Variants in PLCB2 observed in about 807,000 individuals in gnomAD.
PLCB2 encodes the protein 1-phosphatidylinositol 4,5-bisphosphate phosphodiesterase beta-2.
Under a neutral mutation model 141.7 loss-of-function variants are expected in PLCB2, and 115 were observed. The observed-to-expected ratio is 0.81, with a 90% CI of 0.70 to 0.95. The LOEUF (loss-of-function observed/expected upper bound fraction) is 0.95. PLCB2 is among the 40% of genes least tolerant of loss of function. The probability of loss-of-function intolerance (pLI) is 0.00; values close to 1 mark genes in which losing one functional copy is unlikely to be tolerated. For missense variants in PLCB2, 1,403 were observed against 1,541.1 expected (o/e 0.91, Z 1.50); for synonymous variants, 603 against 595.6 (o/e 1.01, Z -0.18).
Position 40,291,390 on chromosome 15 carries a change from GCGCCGCTC to G in PLCB2, c.2737_2744del (p.Glu913ArgfsTer59), listed in dbSNP as rs2039911709. 1 of 1,534,116 alleles carries G rather than the reference GCGCCGCTC, an allele frequency of 6.5e-7. No homozygotes were observed. The highest frequency in any genetic ancestry group is 8.7e-7 in the Non-Finnish European group (1 of 1,145,754). On this transcript the variant is annotated frameshift_variant, in exon 26 of 32. Transcript: ENST00000260402. LOFTEE classifies it high-confidence loss of function. ...GCAGCTCCTCCCAGCGCCGCGCTCC[GCGCCGCTC>G]CAACTCTCGCAGCTCCTTCTCGTGC... is the stretch of plus-strand genomic sequence containing the variant.
chr15:40,294,491 T>G, intron 18 of PLCB2, 71 bp from the exon 19 acceptor site: 76 of 1,531,428 alleles, frequency 5.0e-5, no homozygotes, highest in Non-Finnish European at 6.7e-5. Flanking sequence ...TTTCCTCCAT[T>G]CCCAGCCTTT....
chr15:40,304,098 G>C lies in PLCB2; in HGVS notation c.85-20C>G, dbSNP rs1047818577. The C allele has an allele frequency of 1.3e-6, 2 of 1,561,148 alleles. No homozygotes were observed. The highest frequency in any genetic ancestry group is 2.3e-5 in the East Asian group (1 of 43,726). On this transcript the variant is annotated intron_variant, in intron 1 of 31. Coordinates refer to ENST00000260402, the MANE Select transcript of PLCB2 (RefSeq NM_004573.3). Reference sequence around the variant, plus strand: ...AGTTTCCTGCAGAGAGAAGGAGCCAGCACTCTGTTCCAAGACCTCAGGCCA... The same window carrying C: ...AGTTTCCTGCAGAGAGAAGGAGCCACCACTCTGTTCCAAGACCTCAGGCCA...
Position 40,291,647 on chromosome 15 carries a change from GCTGCTGCAAGAGCCACGGGCTGGGCTGT to G in PLCB2, c.2603-25_2605del. The G allele has an allele frequency of 6.2e-7, 1 of 1,613,098 alleles. No individual in the cohort carries two copies. The highest frequency in any genetic ancestry group is 1.1e-5 in the South Asian group (1 of 91,048). ...AGCCTCTTCCCTGGCCCCGGCCCTG[GCTGCTGCAAGAGCCACGGGCTGGGCTGT>G]CAGGTGCTCTGGGGGGCCCCTTGGC... On this transcript the variant is annotated splice_acceptor_variant and splice_polypyrimidine_tract_variant and coding_sequence_variant and intron_variant, in exon 25 of 32. Coordinates refer to ENST00000260402, the MANE Select transcript of PLCB2 (RefSeq NM_004573.3). LOFTEE classifies it high-confidence loss of function.
chr15:40,289,962 A>C, intron 30 of PLCB2, 63 bp downstream of exon 30: 1 of 617,230 alleles, frequency 1.6e-6, no homozygotes. Context: ...AGAGAGAGAG[A>C]GAGAGAGTGT....
chr15:40,286,008 G>C (rs192833348), downstream of PLCB2: 197 of 985,648 alleles, frequency 2.0e-4, no homozygotes, highest in African/African-American at 3.2e-3. Context: ...TGGCAGGAAG[G>C]GGGTGGTGGT....
chr15:40,289,715 C>G (rs754448605), intron 30 of PLCB2: 8 of 516,712 alleles, frequency 1.5e-5, no homozygotes, highest in Non-Finnish European at 2.4e-5. Context: ...CCAGTCCCAG[C>G]CTCCCCTGGC....
At chr15:40,294,502 GC>G in intron 18 of PLCB2, 82 bp from the exon 19 acceptor site, 1 of 1,468,232 alleles carries the variant, frequency 6.8e-7, no homozygotes, top group Non-Finnish European at 9.5e-7. Context: ...CCCAGCCTTT[GC>G]TGTCTGGTGA....
intron 14 of PLCB2, 33 bp downstream of exon 14, chr15:40,296,713 T>A: frequency 6.2e-7 from 1 of 1,610,312 alleles, no homozygotes; most frequent in Non-Finnish European, 8.5e-7. Flanking sequence ...CAGATGCTCC[T>A]AATACCCCCC....
At position 40,298,713 on chromosome 15, in the gene PLCB2, G is replaced by T. The variant is rs773333863; in HGVS notation, c.851-5C>A. On this transcript the variant is annotated splice_polypyrimidine_tract_variant and splice_region_variant and intron_variant, in intron 9 of 31. Coordinates refer to ENST00000260402, the MANE Select transcript of PLCB2 (RefSeq NM_004573.3). ...TGCCTTCAGGTGACAGCTGGCCTGGGGGACAGGAGATAGCTGTCAGGCTAC... is the reference window on the plus strand; with the variant it reads ...TGCCTTCAGGTGACAGCTGGCCTGGTGGACAGGAGATAGCTGTCAGGCTAC... The T allele has an allele frequency of 4.3e-6, 7 of 1,613,810 alleles. No individual in the cohort carries two copies. The Admixed American group carries it at 1.2e-4, about 27-fold the overall frequency.
In PLCB2 at chr15:40,294,924, G is replaced by T; in HGVS notation, c.1906+12C>A. ...CAGGGAAGGATTCTTAGGGGCCTGG[G>T]AATGCCCTCACCCATCGTCTGGAAG... is the stretch of plus-strand genomic sequence containing the variant. On this transcript the variant is annotated intron_variant, in intron 18 of 31. Coordinates refer to ENST00000260402, the MANE Select transcript of PLCB2 (RefSeq NM_004573.3). 6.2e-7 allele frequency: 1 copy of T among 1,614,026 alleles called. No individual in the cohort carries two copies.
At chr15:40,285,733 G>C, downstream of PLCB2, 1 of 985,396 alleles carries the variant, frequency 1.0e-6, no homozygotes, top group Non-Finnish European at 1.2e-6. Flanking sequence ...CTATTTCCAA[G>C]GTCAGAGGAG....
At position 40,291,486 on chromosome 15, in the gene PLCB2, C is replaced by A. The variant is rs749081695; in HGVS notation, c.2649G>T (p.Glu883Asp). Residue 883 changes from glutamate to aspartate, a missense_variant and splice_region_variant, in exon 26 of 32, where the codon GAG (glutamate) becomes GAT (aspartate). By Grantham distance (45) the Glu-to-Asp change is conservative. Around this residue, in one of 4 missense-constraint regions of PLCB2, gnomAD observed 290 missense variants for 245.9 expected, o/e 1.18. Coordinates refer to ENST00000260402, the MANE Select transcript of PLCB2 (RefSeq NM_004573.3). ...AREEAMKEAA[E>D]PRTASLEELR... ...GCTCCTCCAGGCTGGCGGTCCGCGG[C>A]TCTGCGGAGGCCCGGGTGAGGCGCA... is the stretch of plus-strand genomic sequence containing the variant. 4 of 1,583,336 alleles carry A rather than the reference C, an allele frequency of 2.5e-6. No individual in the cohort carries two copies. The highest frequency in any genetic ancestry group is 1.7e-5 in the Admixed American group (1 of 57,766).
At chr15:40,303,939 G>C in intron 2 of PLCB2, 62 bp downstream of exon 2, 3 of 1,178,676 alleles carry the variant, frequency 2.5e-6, no homozygotes, top group Non-Finnish European at 3.7e-6. Context: ...TGCAGCCAGG[G>C]GGCTGTCTGG....
chr15:40,288,342 T>C lies in PLCB2; in HGVS notation c.*373A>G, dbSNP rs1193805939. On this transcript the variant is annotated 3_prime_UTR_variant, in exon 32 of 32. Transcript: ENST00000260402. ...GAGTGGAGGTGAGTGGGTCCAACCC[T>C]CCAGGTGAGGAAACTGAGCCCAGAG... 1 of 1,013,884 alleles carries C rather than the reference T, an allele frequency of 9.9e-7. No homozygotes were observed. Among genetic ancestry groups the C allele is most frequent in the Non-Finnish European group, 1.2e-6 (1 of 848,684 alleles). 62.8% of individuals were successfully genotyped at this position (1,013,884 alleles called of 1,614,324 possible). A position where few individuals can be genotyped will look rare whatever the true frequency, so the allele number is the denominator to read the frequency against.
rs752312361 is a variant in PLCB2, at chr15:40,299,153, C to T, written c.658G>A (p.Glu220Lys). ...TAAGAAGTGAAGATCTCATCTATTT[C>T]TGGCCGAGGACAGAGGCTCATGAGG... is the stretch of plus-strand genomic sequence containing the variant. The part of the protein sequence containing the change: ...SFLMSLCPRP[E>K]IDEIFTSYHA... The change falls in exon 8 of 32, where the codon GAA becomes AAA. Residue 220 changes from glutamate (E) to lysine (K), a missense_variant. Physicochemically the swap from Glu to Lys is moderately conservative, Grantham distance 56 (BLOSUM62 1). Transcript: ENST00000260402. 1.9e-6 allele frequency: 3 copies of T among 1,613,552 alleles called. No individual in the cohort carries two copies. In the South Asian group the frequency reaches 3.3e-5, roughly 18 times the overall value.
intron 2 of PLCB2, among the ~76,000 whole-genome samples, chr15:40,303,662 C>T (rs934341114): frequency 6.6e-6 from 1 of 152,198 alleles, no homozygotes; most frequent in Non-Finnish European, 1.5e-5. Flanking sequence ...TTCCCGTCCT[C>T]CTGCCCAGAG....
At chr15:40,290,195 C>A in intron 29 of PLCB2, 113 bp from the exon 30 acceptor site, 1 of 748,802 alleles carries the variant, frequency 1.3e-6, no homozygotes, top group Non-Finnish European at 2.4e-6. Context: ...GGGCAGGAAC[C>A]AGCTGGGGGC....
intron 21 of PLCB2, 83 bp downstream of exon 21, chr15:40,292,843 C>T (rs2040008302): frequency 2.4e-6 from 2 of 839,158 alleles, no homozygotes; most frequent in African/African-American, 3.4e-5. Context: ...GGCCTCACTC[C>T]AGGCCCCCTC....
Position 40,290,026 on chromosome 15 carries a change from T to C in PLCB2, c.3266A>G (p.Gln1089Arg), listed in dbSNP as rs1170937791. ...AGGAAGGACACAGCCCTTACACACC[T>C]GCTTGATCACCTGCACTACTTCCTG... ...HIQEVVQVIK[Q>R]MTENLERHQE... Residue 1089 changes from glutamine (Q) to arginine (R), a missense_variant and splice_region_variant, in exon 30 of 32, where the codon CAG (glutamine) becomes CGG (arginine). Around this residue, in one of 4 missense-constraint regions of PLCB2, gnomAD observed 132 missense variants for 132.4 expected, o/e 1.00. Coordinates refer to ENST00000260402, the MANE Select transcript of PLCB2 (RefSeq NM_004573.3). 1 of 1,554,750 alleles carries C rather than the reference T, an allele frequency of 6.4e-7. No individual in the cohort carries two copies. Among genetic ancestry groups the C allele is most frequent in the Non-Finnish European group, 8.9e-7 (1 of 1,128,974 alleles).
Sources: allele counts gnomAD v4.1 joint callset (sites outside exome capture counted in the v4.1 genomes callset), GRCh38; gene constraint gnomAD v4.1.1; regional missense constraint gnomAD v4.1.1; transcripts MANE v1.5; gene names NCBI Gene and HGNC (gene_info 2026-07-23, HGNC 2026-07-21).